The following TFCP2L1 variants were observed in gnomAD, a reference collection of about 807,000 sequenced individuals.
TFCP2L1 encodes the protein transcription factor CP2-like protein 1.
TFCP2L1 carries 12 observed loss-of-function variants against 72.2 expected under a neutral mutation model. The observed-to-expected ratio is 0.17, with a 90% CI of 0.11 to 0.27. The LOEUF (loss-of-function observed/expected upper bound fraction) is 0.27, where lower values mean the gene tolerates loss of function less well. TFCP2L1 is among the 10% of genes least tolerant of loss of function. The pLI, the probability that TFCP2L1 is intolerant of heterozygous loss-of-function variation, is 1.00. For missense variants in TFCP2L1, 488 were observed against 624.6 expected (o/e 0.78, Z 2.33); for synonymous variants, 260 against 251.0 (o/e 1.04, Z -0.34).
Position 121,266,776 on chromosome 2 carries a change from C to T in TFCP2L1, c.214+14344G>A, listed in dbSNP as rs146323209. Among the ~76,000 whole-genome samples, 289 of 152,296 alleles carry T rather than the reference C, an allele frequency of 1.9e-3. 2 individuals carry two copies. Among genetic ancestry groups the T allele is most frequent in the African/African-American group, 5.3e-3 (222 of 41,576 alleles). ...GACTCACCAGGGCTTCCAATGCTTC[C>T]GTGCTTTATGACACACTTCAACTTC... On this transcript the variant is annotated intron_variant, in intron 2 of 14. Transcript: ENST00000263707.
intron 2 of TFCP2L1, among the ~76,000 whole-genome samples, chr2:121,265,223 A>T (rs1004114209): frequency 5.3e-5 from 8 of 152,172 alleles, no homozygotes; most frequent in Admixed American, 2.6e-4. Context: ...GCCACAAAAG[A>T]CCACCACTTG....
chr2:121,260,539 C>G (rs750006145), intron 2 of TFCP2L1, among the ~76,000 whole-genome samples: 1 of 152,216 alleles, frequency 6.6e-6, no homozygotes, highest in Non-Finnish European at 1.5e-5. Flanking sequence ...GTGCTGCACA[C>G]AGAAACTGTC....
At chr2:121,229,109 G>T (rs561678042) in intron 13 of TFCP2L1, among the ~76,000 whole-genome samples, 5 of 151,938 alleles carry the variant, frequency 3.3e-5, no homozygotes, top group African/African-American at 1.2e-4. Context: ...TAGAGACAGG[G>T]TTTCGTCATG....
intron 2 of TFCP2L1, among the ~76,000 whole-genome samples, chr2:121,265,621 T>C (rs535772681): frequency 6.6e-6 from 1 of 152,124 alleles, no homozygotes; most frequent in East Asian, 2.0e-4. Context: ...GTATCTGGGA[T>C]TACAGGCATG....
chr2:121,227,266 C>T (rs966653856), intron 13 of TFCP2L1, among the ~76,000 whole-genome samples: 9 of 152,218 alleles, frequency 5.9e-5, no homozygotes, highest in Admixed American at 5.2e-4. Flanking sequence ...ATGTAACATT[C>T]TGGTAACCTG....
intron 2 of TFCP2L1, among the ~76,000 whole-genome samples, chr2:121,265,412 G>A (rs529220767): frequency 6.6e-6 from 1 of 152,110 alleles, no homozygotes; most frequent in Non-Finnish European, 1.5e-5. Flanking sequence ...ATATTTAGTT[G>A]AATAATAAAA....
In TFCP2L1 at chr2:121,223,306, T is replaced by C. The variant is rs192825379; in HGVS notation, c.*1035A>G. 6.6e-6 allele frequency: 1 copy of C among 152,280 alleles called. No homozygotes were observed. The highest frequency in any genetic ancestry group is 1.9e-4 in the East Asian group (1 of 5,182). The allele number at this position is 152,280 out of a possible 1,614,324, so 9.4% of individuals were successfully genotyped here. ...ATAGTTAGGCCATTAAGAAAGATGA[T>C]GCACCCATTCTGATGCAGGCAAAAT... On this transcript the variant is annotated 3_prime_UTR_variant, in exon 15 of 15. Coordinates refer to ENST00000263707, the MANE Select transcript of TFCP2L1 (RefSeq NM_014553.3).
At chr2:121,273,050 A>C (rs568183801) in intron 2 of TFCP2L1, among the ~76,000 whole-genome samples, 24 of 152,192 alleles carry the variant, frequency 1.6e-4, no homozygotes, top group Non-Finnish European at 3.1e-4. Flanking sequence ...TTGCCTTTGC[A>C]TGTGGCTTTT....
intron 2 of TFCP2L1, among the ~76,000 whole-genome samples, chr2:121,265,309 C>T (rs771461950): frequency 2.6e-5 from 4 of 151,920 alleles, no homozygotes; most frequent in South Asian, 2.1e-4. Flanking sequence ...TGCCTGAGGG[C>T]GGGGGAAACG....
chr2:121,218,476 C>T lies in TFCP2L1; in HGVS notation c.*5865G>A, dbSNP rs1685873013. On this transcript the variant is annotated 3_prime_UTR_variant, in exon 15 of 15. Transcript: ENST00000263707. ...GGGGTGCGGAGCTGAGGATGTTGTTCTCTTTGATGAAGGCCTGAAAACTTC... is the reference window on the plus strand; with the variant it reads ...GGGGTGCGGAGCTGAGGATGTTGTTTTCTTTGATGAAGGCCTGAAAACTTC... The T allele has an allele frequency of 6.6e-6, 1 of 152,512 alleles. No homozygotes were observed. Among genetic ancestry groups the T allele is most frequent in the Non-Finnish European group, 1.5e-5 (1 of 68,280 alleles). 9.4% of individuals were successfully genotyped at this position (152,512 alleles called of 1,614,324 possible). A position where few individuals can be genotyped will look rare whatever the true frequency, so the allele number is the denominator to read the frequency against.
At position 121,237,643 on chromosome 2, in the gene TFCP2L1, C is replaced by G; in HGVS notation, c.983G>C (p.Arg328Pro). The change falls in exon 10 of 15, where the codon CGG (arginine) becomes CCG (proline). Residue 328 changes from arginine to proline, a missense_variant. This residue lies in a region of TFCP2L1 where 286 missense variants were observed against 329.0 expected (regional missense o/e 0.87). Transcript: ENST00000263707. Reference protein sequence around the residue: ...LHRNRFSQFCRLFASFSGADL... With the variant: ...LHRNRFSQFCPLFASFSGADL... ...CTCACCTGAGAAGCTGGCAAAGAGCCGGCAGAACTGCGAGAACCTGTTGCG... is the reference window on the plus strand; with the variant it reads ...CTCACCTGAGAAGCTGGCAAAGAGCGGGCAGAACTGCGAGAACCTGTTGCG... 1 of 1,614,170 alleles carries G rather than the reference C, an allele frequency of 6.2e-7. No homozygotes were observed. The highest frequency in any genetic ancestry group is 8.5e-7 in the Non-Finnish European group (1 of 1,180,042).
chr2:121,250,205 G>T (rs901385166), intron 2 of TFCP2L1, among the ~76,000 whole-genome samples: 3 of 151,998 alleles, frequency 2.0e-5, no homozygotes, highest in Non-Finnish European at 4.4e-5. Flanking sequence ...GCTGGTCAAA[G>T]AATATAAATG....
At chr2:121,224,977 T>G (rs1295463695) in intron 14 of TFCP2L1, among the ~76,000 whole-genome samples, 3 of 121,562 alleles carry the variant, frequency 2.5e-5, no homozygotes, top group African/African-American at 1.0e-4. Context: ...AGAGCAAGAC[T>G]CCATCAAAAA....
intron 13 of TFCP2L1, among the ~76,000 whole-genome samples, chr2:121,228,918 T>G (rs1686087243): frequency 6.6e-6 from 1 of 152,144 alleles, no homozygotes; most frequent in African/African-American, 2.4e-5. Flanking sequence ...GTTTTAATTT[T>G]TTTTTATTTT....
At chr2:121,273,294 G>A (rs182580623) in intron 2 of TFCP2L1, among the ~76,000 whole-genome samples, 3 of 151,978 alleles carry the variant, frequency 2.0e-5, no homozygotes, top group East Asian at 3.9e-4. Flanking sequence ...CTGCTCTCCC[G>A]GACTCCTCCT....
rs1486924657 is a variant in TFCP2L1 at position 121,281,130 on chromosome 2, G to A, written c.204C>T (p.Tyr68=). 4 of 1,613,866 alleles carry A rather than the reference G, an allele frequency of 2.5e-6. No homozygotes were observed. The East Asian group carries it at 6.7e-5, about 27-fold the overall frequency. ...AVKLHEETLT[Y]LNQGQSYEIR... ...GCCTCTGGCCACTACCTTGGTTGAGGTAGGTCAGCGTCTCTTCATGCAGCT... is the reference window on the plus strand; with the variant it reads ...GCCTCTGGCCACTACCTTGGTTGAGATAGGTCAGCGTCTCTTCATGCAGCT... Residue 68 remains tyrosine (Y), a synonymous_variant, in exon 2 of 15, where the codon TAC becomes TAT. Coordinates refer to ENST00000263707, the MANE Select transcript of TFCP2L1 (RefSeq NM_014553.3).
At chr2:121,224,737 C>CT (rs1685989048) in intron 14 of TFCP2L1, among the ~76,000 whole-genome samples, 1 of 152,162 alleles carries the variant, frequency 6.6e-6, no homozygotes, top group Non-Finnish European at 1.5e-5. Context: ...AATCCCAGCA[C>CT]TTTGGGAGGC....
At chr2:121,240,804 G>A in intron 7 of TFCP2L1, 1 of 922,970 alleles carries the variant, frequency 1.1e-6, no homozygotes, top group Non-Finnish European at 1.3e-6. Context: ...TAAATGCAGT[G>A]CTTGCATCCT....
chr2:121,257,339 G>A (rs568021966), intron 2 of TFCP2L1, among the ~76,000 whole-genome samples: 1 of 152,042 alleles, frequency 6.6e-6, no homozygotes, highest in South Asian at 2.1e-4. Context: ...GAGGGGTGGG[G>A]CTCCTCAGCT....
Sources: allele counts gnomAD v4.1 joint callset (sites outside exome capture counted in the v4.1 genomes callset), GRCh38; gene constraint gnomAD v4.1.1; regional missense constraint gnomAD v4.1.1; transcripts MANE v1.5; gene names NCBI Gene and HGNC (gene_info 2026-07-23, HGNC 2026-07-21).